MGAT5: variants seen among roughly 807,000 people sequenced by gnomAD.
The protein encoded by MGAT5 is alpha-1,6-mannosylglycoprotein 6-beta-N-acetylglucosaminyltransferase A.
A neutral mutation model predicts 94.3 loss-of-function variants in MGAT5; 30 were observed. The ratio of observed to expected loss-of-function variants is 0.32; its 90% CI spans 0.24 to 0.43. MGAT5 has a LOEUF of 0.43. MGAT5 is among the 20% of genes least tolerant of loss of function. The pLI, the probability that MGAT5 is intolerant of heterozygous loss-of-function variation, is 1.00. For synonymous variants in MGAT5, 310 were observed against 322.9 expected (o/e 0.96, Z 0.43); for missense variants, 691 against 905.5 (o/e 0.76, Z 3.04).
chr2:134,415,478 C>T (rs1018162647), intron 12 of MGAT5, among the ~76,000 whole-genome samples: 6 of 152,146 alleles, frequency 3.9e-5, no homozygotes, highest in Non-Finnish European at 5.9e-5. Flanking sequence ...GGGTTTTTTC[C>T]GCAGTTGAGT....
chr2:134,444,413 A>G (rs1685662323), intron 15 of MGAT5, among the ~76,000 whole-genome samples: 1 of 152,160 alleles, frequency 6.6e-6, no homozygotes, highest in African/African-American at 2.4e-5. Flanking sequence ...GCAGGAGGCT[A>G]GAATGAATGC....
intron 1 of MGAT5, among the ~76,000 whole-genome samples, chr2:134,201,281 G>A (rs1679773924): frequency 6.6e-6 from 1 of 152,116 alleles, no homozygotes; most frequent in South Asian, 2.1e-4. Flanking sequence ...AGTAGGTCCA[G>A]GGGTTGGTAG....
intron 4 of MGAT5, among the ~76,000 whole-genome samples, chr2:134,328,301 G>T (rs1687762380): frequency 6.6e-6 from 1 of 152,060 alleles, no homozygotes; most frequent in South Asian, 2.1e-4. Flanking sequence ...CAGGTAGCCA[G>T]TTCTGTACTT....
chr2:134,145,204 GTC>G (rs368067585), intron 1 of MGAT5, among the ~76,000 whole-genome samples: 3,525 of 148,324 alleles, frequency 0.024, 65 homozygotes, highest in Non-Finnish European at 0.033. Flanking sequence ...GTGTGTGTGT[GTC>G]TCTCTCTCTG....
At chr2:134,383,971 G>A (rs1030034197) in intron 10 of MGAT5, among the ~76,000 whole-genome samples, 5 of 8,550 alleles carry the variant, frequency 5.8e-4, no homozygotes, top group Admixed American at 1.4e-3. Context: ...CAGCCACCGC[G>A]CCTGGCCGCT....
chr2:134,152,582 A>C (rs1687275537), intron 1 of MGAT5, among the ~76,000 whole-genome samples: 1 of 152,274 alleles, frequency 6.6e-6, no homozygotes. Context: ...AAGGAAATAA[A>C]GGAAGTAAAT....
At chr2:134,127,501 C>CG (rs375519755) in intron 1 of MGAT5, among the ~76,000 whole-genome samples, 2 of 127,714 alleles carry the variant, frequency 1.6e-5, no homozygotes, top group African/African-American at 2.7e-5. Context: ...GGTTTCCCCC[C>CG]CCCCCAGGCT....
intron 1 of MGAT5, among the ~76,000 whole-genome samples, chr2:134,245,996 G>T (rs1291534405): frequency 6.6e-6 from 1 of 152,126 alleles, no homozygotes; most frequent in Admixed American, 6.5e-5. Context: ...CACTTCAAAT[G>T]TAAGAGGGGA....
intron 10 of MGAT5, among the ~76,000 whole-genome samples, chr2:134,375,831 TC>T (rs947701588): frequency 1.2e-4 from 19 of 152,160 alleles, no homozygotes; most frequent in African/African-American, 4.6e-4. Context: ...GCACATCTCG[TC>T]AACTGGAGAG....
At chr2:134,193,575 C>T (rs963636429) in intron 1 of MGAT5, among the ~76,000 whole-genome samples, 1 of 152,138 alleles carries the variant, frequency 6.6e-6, no homozygotes, top group African/African-American at 2.4e-5. Context: ...TCCTTCCTAG[C>T]CCTCTTGGGA....
At chr2:134,189,602 G>GTTTTGTTTTGTTTTGTTTT (rs1553490380) in intron 1 of MGAT5, among the ~76,000 whole-genome samples, 7 of 84,654 alleles carry the variant, frequency 8.3e-5, no homozygotes, top group African/African-American at 1.9e-4. Context: ...GTTTTTTTTT[G>GTTTTGTTTTGTTTTGTTTT]TTTTTTTTTT....
chr2:134,229,088 C>T (rs2105384947), intron 1 of MGAT5, among the ~76,000 whole-genome samples: 1 of 152,144 alleles, frequency 6.6e-6, no homozygotes, highest in East Asian at 1.9e-4. Context: ...TTTTCCTGTT[C>T]AAATTAGTAT....
intron 10 of MGAT5, among the ~76,000 whole-genome samples, chr2:134,389,661 A>G (rs1054754316): frequency 6.6e-6 from 1 of 152,216 alleles, no homozygotes; most frequent in Non-Finnish European, 1.5e-5. Flanking sequence ...GGTGACCTGA[A>G]TAAATTTGGA....
chr2:134,145,459 T>C (rs1235841640), intron 1 of MGAT5, among the ~76,000 whole-genome samples: 1 of 152,126 alleles, frequency 6.6e-6, no homozygotes, highest in African/African-American at 2.4e-5. Flanking sequence ...GGCAGGAGAA[T>C]TGCTTGAATT....
At chr2:134,433,048 G>A (rs962412368) in intron 14 of MGAT5, among the ~76,000 whole-genome samples, 7 of 151,910 alleles carry the variant, frequency 4.6e-5, no homozygotes, top group East Asian at 3.9e-4. Context: ...CAGCATTTCC[G>A]TCACCCCAAA....
intron 9 of MGAT5, among the ~76,000 whole-genome samples, chr2:134,358,495 C>T (rs1679890930): frequency 6.6e-6 from 1 of 152,104 alleles, no homozygotes; most frequent in South Asian, 2.1e-4. Flanking sequence ...GGCCTGGACT[C>T]ACAAATACAA....
At chr2:134,399,304 ATTGT>A (rs1225719775) in intron 10 of MGAT5, among the ~76,000 whole-genome samples, 1 of 152,176 alleles carries the variant, frequency 6.6e-6, no homozygotes, top group African/African-American at 2.4e-5. Context: ...CGTAAATTGA[ATTGT>A]TTTTCTAAAG....
At chr2:134,348,055 G>A (rs1689022553) in intron 8 of MGAT5, among the ~76,000 whole-genome samples, 1 of 152,188 alleles carries the variant, frequency 6.6e-6, no homozygotes, top group South Asian at 2.1e-4. Flanking sequence ...AACACTGCCA[G>A]CTTTTGCAGA....
chr2:134,241,945 C>T (rs1400030410), intron 1 of MGAT5, among the ~76,000 whole-genome samples: 2 of 152,080 alleles, frequency 1.3e-5, no homozygotes, highest in Non-Finnish European at 2.9e-5. Flanking sequence ...ACTGAAGTAC[C>T]CTGGAAAATA....
Sources: gnomAD v4.1 joint callset for allele counts (sites outside exome capture counted in the v4.1 genomes callset) on GRCh38, gnomAD v4.1.1 for gene constraint, MANE v1.5 for transcripts, NCBI Gene and HGNC (gene_info 2026-07-23, HGNC 2026-07-21) for gene names.